Variants in PTCHD4 observed in about 807,000 individuals in gnomAD.
PTCHD4 encodes patched domain containing 4, also known as patched domain-containing protein 4.
PTCHD4 carries 33 observed loss-of-function variants against 58.1 expected under a neutral mutation model. That is an observed-to-expected ratio of 0.57 (90% CI 0.43 to 0.76). The LOEUF (loss-of-function observed/expected upper bound fraction) is 0.76, where lower values mean the gene tolerates loss of function less well. Ranked by LOEUF, PTCHD4 falls within the 30% of genes least tolerant of loss-of-function variation. The probability of loss-of-function intolerance (pLI) is 0.00; values close to 1 mark genes in which losing one functional copy is unlikely to be tolerated. For missense variants in PTCHD4, 1,058 were observed against 1,027.1 expected, an observed-to-expected ratio of 1.03 and a Z score of -0.41; for synonymous variants, 478 against 409.6, an observed-to-expected ratio of 1.17 and a Z score of -2.02.
At chr6:48,103,670 C>A (rs934032343) in intron 1 of PTCHD4, among the ~76,000 whole-genome samples, 4 of 151,598 alleles carry the variant, frequency 2.6e-5, no homozygotes, top group Non-Finnish European at 4.4e-5. Flanking sequence ...GGAGGAAGTT[C>A]TAACCAATGG....
chr6:47,998,947 C>A (rs1244556112), intron 4 of PTCHD4, among the ~76,000 whole-genome samples: 2 of 152,148 alleles, frequency 1.3e-5, no homozygotes, highest in African/African-American at 4.8e-5. Context: ...AAAGTTAAGA[C>A]TTTTCTTGCT....
At chr6:48,098,289 T>A (rs1352510210) in intron 1 of PTCHD4, among the ~76,000 whole-genome samples, 4 of 151,468 alleles carry the variant, frequency 2.6e-5, no homozygotes, top group African/African-American at 7.3e-5. Flanking sequence ...AAGTCAAGGA[T>A]GGAGAAAAGT....
Position 47,868,547 on chromosome 6 carries a change from G to A in PTCHD4, c.*9756C>T, listed in dbSNP as rs766975465. Among the ~76,000 whole-genome samples the A allele has an allele frequency of 5.9e-5, 9 of 151,892 alleles. No homozygotes were observed. Among genetic ancestry groups the A allele is most frequent in the African/African-American group, 1.4e-4 (6 of 41,524 alleles). Reference sequence around the variant, plus strand: ...TTCACTGAATGGATAATTACTGAACGTCTGCAAAGCAGACATTGTGTGCTT... The same window carrying A: ...TTCACTGAATGGATAATTACTGAACATCTGCAAAGCAGACATTGTGTGCTT... On this transcript the variant is annotated 3_prime_UTR_variant, in exon 5 of 5. Transcript: ENST00000339488.
rs536078520 is a variant in PTCHD4 at position 48,088,814 on chromosome 6, C to T, written c.-969-18888G>A. 1.1e-3 allele frequency among the ~76,000 whole-genome samples: 160 copies of T among 152,218 alleles called. No individual in the cohort carries two copies. In the South Asian group the frequency reaches 0.015, roughly 14 times the overall value. ...ATCCCAGCGCTCTGGGAGGCCGAGG[C>T]GGGTGGATTACCTGAGGTCAGGAGT... On this transcript the variant is annotated intron_variant, in intron 1 of 4. Transcript: ENST00000339488.
chr6:48,089,336 TA>T (rs1486939546), intron 1 of PTCHD4, among the ~76,000 whole-genome samples: 1 of 152,176 alleles, frequency 6.6e-6, no homozygotes, highest in Non-Finnish European at 1.5e-5. Context: ...ACAAATTAAG[TA>T]GTGGAATAGG....
chr6:47,997,233 C>T (rs1249830088), intron 4 of PTCHD4, among the ~76,000 whole-genome samples: 2 of 152,044 alleles, frequency 1.3e-5, no homozygotes, highest in East Asian at 3.8e-4. Context: ...AGCCAGTTAA[C>T]CTCCTTCCTC....
At chr6:48,009,988 G>A (rs1762608347) in intron 3 of PTCHD4, among the ~76,000 whole-genome samples, 1 of 152,180 alleles carries the variant, frequency 6.6e-6, no homozygotes, top group Non-Finnish European at 1.5e-5. Flanking sequence ...TACTAAAACA[G>A]GTTGAGAACG....
chr6:48,079,754 A>T (rs898670180), intron 1 of PTCHD4, among the ~76,000 whole-genome samples: 25 of 151,874 alleles, frequency 1.6e-4, no homozygotes, highest in African/African-American at 5.6e-4. Flanking sequence ...ATTATTGCCT[A>T]TACCTGGGGT....
chr6:48,002,168 G>A (rs2114064179), intron 4 of PTCHD4, among the ~76,000 whole-genome samples: 1 of 152,336 alleles, frequency 6.6e-6, no homozygotes, highest in South Asian at 2.1e-4. Context: ...TGGTGGGAAT[G>A]TAAACTAGTT....
intron 1 of PTCHD4, among the ~76,000 whole-genome samples, chr6:48,096,168 T>C (rs1367691795): frequency 6.6e-6 from 1 of 152,160 alleles, no homozygotes; most frequent in African/African-American, 2.4e-5. Context: ...AGGAACTAAT[T>C]ATCTGAGGGT....
chr6:48,097,379 A>G (rs1765495642), intron 1 of PTCHD4, among the ~76,000 whole-genome samples: 1 of 152,196 alleles, frequency 6.6e-6, no homozygotes, highest in Admixed American at 6.5e-5. Flanking sequence ...AAGAGGCATC[A>G]TTATCCCATC....
Position 47,859,321 on chromosome 6 carries a change from C to T in PTCHD4, c.*18982G>A, listed in dbSNP as rs1480136989. ...CAGTCCCTGCTCTGCCAAAGGAAAC[C>T]ATGTCTTTTGTTAAAGTTTAAGCTA... On this transcript the variant is annotated 3_prime_UTR_variant, in exon 5 of 5. Coordinates refer to ENST00000339488, the MANE Select transcript of PTCHD4 (RefSeq NM_001384253.1). Among the ~76,000 whole-genome samples, 1 of 151,956 alleles carries T rather than the reference C, an allele frequency of 6.6e-6. No homozygotes were observed. The highest frequency in any genetic ancestry group is 1.5e-5 in the Non-Finnish European group (1 of 67,980).
rs1354306443 is a variant in PTCHD4, at chr6:47,874,654, G to A, written c.*3649C>T. Among the ~76,000 whole-genome samples, 2 of 151,660 alleles carry A rather than the reference G, an allele frequency of 1.3e-5. No individual in the cohort carries two copies. The highest frequency in any genetic ancestry group is 4.8e-5 in the African/African-American group (2 of 41,376). ...ACTATAATAGCATCATAAAACATTT[G>A]TCATCATTATTCTTCTCACCTCACA... On this transcript the variant is annotated 3_prime_UTR_variant, in exon 5 of 5. Coordinates refer to ENST00000339488, the MANE Select transcript of PTCHD4 (RefSeq NM_001384253.1).
chr6:48,021,163 A>G (rs1763055896), intron 3 of PTCHD4, among the ~76,000 whole-genome samples: 1 of 152,174 alleles, frequency 6.6e-6, no homozygotes, highest in South Asian at 2.1e-4. Flanking sequence ...TCTTTAGTAT[A>G]GATAGTATAT....
At chr6:47,890,828 T>C in intron 4 of PTCHD4, 1 of 913,884 alleles carries the variant, frequency 1.1e-6, no homozygotes, top group South Asian at 5.0e-5. Flanking sequence ...CTTGCTTTCC[T>C]GCTCTCTCTC....
intron 4 of PTCHD4, among the ~76,000 whole-genome samples, chr6:47,903,481 T>C (rs1764777011): frequency 6.6e-6 from 1 of 152,072 alleles, no homozygotes; most frequent in Admixed American, 6.6e-5. Context: ...CATGCCAGAC[T>C]TTTTTGTATT....
intron 3 of PTCHD4, among the ~76,000 whole-genome samples, chr6:48,016,089 A>T (rs957102246): frequency 3.9e-5 from 6 of 151,928 alleles, no homozygotes; most frequent in African/African-American, 1.5e-4. Flanking sequence ...TCCCCCAAAT[A>T]TGTTTCTTTT....
At chr6:47,892,200 TG>T (rs1281135066) in intron 4 of PTCHD4, among the ~76,000 whole-genome samples, 1 of 152,006 alleles carries the variant, frequency 6.6e-6, no homozygotes, top group Non-Finnish European at 1.5e-5. Flanking sequence ...TAATCTGGAG[TG>T]GGGCTGAAAA....
chr6:47,953,965 C>T (rs1766752138), intron 4 of PTCHD4, among the ~76,000 whole-genome samples: 1 of 152,080 alleles, frequency 6.6e-6, no homozygotes, highest in African/African-American at 2.4e-5. Flanking sequence ...ATTTTTTTAA[C>T]TAATTAAACA....
Sources: allele counts gnomAD v4.1 joint callset (sites outside exome capture counted in the v4.1 genomes callset), GRCh38; gene constraint gnomAD v4.1.1; transcripts MANE v1.5; gene names NCBI Gene and HGNC (gene_info 2026-07-23, HGNC 2026-07-21).